The following TMEM143 variants were observed in gnomAD, a reference collection of about 807,000 sequenced individuals.
TMEM143 encodes transmembrane protein 143.
In TMEM143, 45 loss-of-function variants were observed where a neutral mutation model predicts 40.3. The ratio of observed to expected loss-of-function variants is 1.12; its 90% CI spans 0.88 to 1.43. The LOEUF (loss-of-function observed/expected upper bound fraction) is 1.43, where lower values mean the gene tolerates loss of function less well. Among genes scored for constraint, TMEM143 ranks in the 40% most tolerant of loss-of-function variants. TMEM143 has a pLI of 0.00. For missense variants in TMEM143, 620 were observed against 613.4 expected, an observed-to-expected ratio of 1.01 and a Z score of -0.11; for synonymous variants, 299 against 282.7, an observed-to-expected ratio of 1.06 and a Z score of -0.58.
At chr19:48,355,116 AAGTGATT>A (rs1969857448) in intron 3 of TMEM143, among the ~76,000 whole-genome samples, 1 of 151,892 alleles carries the variant, frequency 6.6e-6, no homozygotes, top group Non-Finnish European at 1.5e-5. Flanking sequence ...TCCCGGGTTC[AAGTGATT>A]CTCATGGTTC....
In TMEM143 at chr19:48,345,320, G is replaced by T. The variant is rs766042706; in HGVS notation, c.404C>A (p.Thr135Asn). ...ATCCGTTAGTGATGGCTGATCGAGGGTCTCCCTGTCAGGGTTGATGGGGTC... is the reference window on the plus strand; with the variant it reads ...ATCCGTTAGTGATGGCTGATCGAGGTTCTCCCTGTCAGGGTTGATGGGGTC... ...LYDPINPDRETLDQPSLTDPQ... is the reference protein window; with the variant it reads ...LYDPINPDRENLDQPSLTDPQ... Residue 135 changes from threonine (T) to asparagine (N), a missense_variant, in exon 4 of 8, where the codon ACC (threonine) becomes AAC (asparagine). Transcript: ENST00000293261. 8.8e-6 allele frequency: 14 copies of T among 1,590,032 alleles called. No homozygotes were observed. The African/African-American group carries it at 1.8e-4, about 20-fold the overall frequency.
At chr19:48,335,513 T>C (rs1600893638) in intron 6 of TMEM143, among the ~76,000 whole-genome samples, 1 of 151,904 alleles carries the variant, frequency 6.6e-6, no homozygotes, top group African/African-American at 2.4e-5. Flanking sequence ...TCACCTGAGG[T>C]TGGAAGTTCG....
intron 6 of TMEM143, among the ~76,000 whole-genome samples, chr19:48,340,861 C>T (rs1484122519): frequency 6.6e-6 from 1 of 152,110 alleles, no homozygotes; most frequent in Non-Finnish European, 1.5e-5. Context: ...CTGGATCCAG[C>T]CCCATGAGAT....
At chr19:48,340,772 G>A (rs115830766) in intron 6 of TMEM143, among the ~76,000 whole-genome samples, 2,904 of 152,202 alleles carry the variant, frequency 0.019, 83 homozygotes, top group African/African-American at 0.066. Flanking sequence ...CTGCGGCTCT[G>A]AGGATAAGGC....
At chr19:48,337,294 A>C (rs1457372804) in intron 6 of TMEM143, among the ~76,000 whole-genome samples, 1 of 152,060 alleles carries the variant, frequency 6.6e-6, no homozygotes, top group Non-Finnish European at 1.5e-5. Flanking sequence ...CACGCCTGTA[A>C]TCCCAGCACT....
rs375040670 is a variant in TMEM143 at position 48,351,214 on chromosome 19, T to C, written c.370-5860A>G. ...CCTGCTCCTCTCAGCCTTGTCCCCA[T>C]CTCAAAAGATGCAACTCCATCCTTC... On this transcript the variant is annotated intron_variant, in intron 3 of 7. Transcript: ENST00000293261. Among the ~76,000 whole-genome samples, 20 of 152,234 alleles carry C rather than the reference T, an allele frequency of 1.3e-4. No homozygotes were observed. The East Asian group carries it at 3.3e-3, about 25-fold the overall frequency.
At chr19:48,345,044 A>C in intron 4 of TMEM143, 116 bp downstream of exon 4, 1 of 1,133,712 alleles carries the variant, frequency 8.8e-7, no homozygotes, top group South Asian at 1.6e-5. Context: ...CAAGTGCGCC[A>C]TATGGGCCAC....
At chr19:48,360,209 G>A (rs1316931316) in intron 2 of TMEM143, 33 bp from the exon 3 acceptor site, 23 of 1,595,758 alleles carry the variant, frequency 1.4e-5, no homozygotes, top group Non-Finnish European at 2.0e-5. Flanking sequence ...TTCTCTGTAG[G>A]CCTTTTCCCC....
intron 3 of TMEM143, among the ~76,000 whole-genome samples, chr19:48,350,688 G>A (rs1969746842): frequency 6.6e-6 from 1 of 152,054 alleles, no homozygotes. Context: ...TTGGGAGGCT[G>A]AGGCAGGCGG....
At chr19:48,349,183 C>T (rs471736) in intron 3 of TMEM143, among the ~76,000 whole-genome samples, 105,644 of 151,940 alleles carry the variant, frequency 0.7, 37,529 homozygotes, top group East Asian at 0.83. Context: ...CAGAGAAGAC[C>T]CTGTCTTCAA....
At position 48,343,314 on chromosome 19, in the gene TMEM143, G is replaced by T. The variant is rs750530429; in HGVS notation, c.695+7C>A. 1.9e-6 allele frequency: 3 copies of T among 1,609,262 alleles called. No individual in the cohort carries two copies. In the East Asian group the frequency reaches 6.7e-5, roughly 36 times the overall value. On this transcript the variant is annotated splice_region_variant and intron_variant, in intron 5 of 7. Coordinates refer to ENST00000293261, the MANE Select transcript of TMEM143 (RefSeq NM_018273.4). Reference sequence around the variant, plus strand: ...TTGCTGCAGCTGGGGAACAAGGGCCGCCTCACCTCTCCGCAGGGGGCAGCT... The same window carrying T: ...TTGCTGCAGCTGGGGAACAAGGGCCTCCTCACCTCTCCGCAGGGGGCAGCT...
chr19:48,354,268 T>C (rs1012703669), intron 3 of TMEM143, among the ~76,000 whole-genome samples: 42 of 138,378 alleles, frequency 3.0e-4, no homozygotes, highest in Middle Eastern at 7.6e-3. Context: ...CTTTTTCTTT[T>C]TTTTTTTTTT....
intron 3 of TMEM143, among the ~76,000 whole-genome samples, chr19:48,358,294 G>A (rs1969955523): frequency 6.6e-6 from 1 of 150,956 alleles, no homozygotes; most frequent in Non-Finnish European, 1.5e-5. Flanking sequence ...TGAGGCACAA[G>A]AATCACTTCA....
At chr19:48,360,242 T>C in intron 2 of TMEM143, 66 bp from the exon 3 acceptor site, 1 of 1,489,410 alleles carries the variant, frequency 6.7e-7, no homozygotes, top group Non-Finnish European at 9.3e-7. Flanking sequence ...AAGAATTCTT[T>C]CCCTGGCTGC....
At chr19:48,352,883 T>C (rs1230849659) in intron 3 of TMEM143, among the ~76,000 whole-genome samples, 1 of 152,022 alleles carries the variant, frequency 6.6e-6, no homozygotes, top group Non-Finnish European at 1.5e-5. Flanking sequence ...TCCCAAAGTG[T>C]TAGAGTTACA....
At chr19:48,343,022 T>C in intron 5 of TMEM143, 1 of 697,270 alleles carries the variant, frequency 1.4e-6, no homozygotes, top group South Asian at 2.0e-5. Context: ...ACGTGCAGAT[T>C]GTTTGTTGGA....
rs771583460 is a variant in TMEM143 at position 48,360,135 on chromosome 19, C to T, written c.306G>A (p.Ala102=). ...SSPAEKAALE[A]FSAHVDFCTL... ...TGCAGAAGTCCACGTGGGCCGAGAA[C>T]GCCTCCAAAGCCGCCTTCTCTGCCG... Residue 102 remains alanine, a synonymous_variant, in exon 3 of 8, where the codon GCG becomes GCA. Coordinates refer to ENST00000293261, the MANE Select transcript of TMEM143 (RefSeq NM_018273.4). 7.4e-6 allele frequency: 12 copies of T among 1,614,016 alleles called. No homozygotes were observed. In the African/African-American group the frequency reaches 9.3e-5, roughly 13 times the overall value.
intron 3 of TMEM143, among the ~76,000 whole-genome samples, chr19:48,345,823 C>T (rs1240506462): frequency 3.5e-5 from 5 of 144,124 alleles, no homozygotes; most frequent in African/African-American, 1.3e-4. Context: ...CTCGCTCTGT[C>T]GCCCAGGCTG....
intron 6 of TMEM143, among the ~76,000 whole-genome samples, chr19:48,334,432 TTCTTTCTTTCTTTCTTTCTTTC>T (rs1324412418): frequency 7.8e-6 from 1 of 128,394 alleles, no homozygotes; most frequent in Non-Finnish European, 1.6e-5. Context: ...CTTTCTTTCT[TTCTTTCTTTCTTTCTTTCTTTC>T]TTTCTTTCTT....
Sources: allele counts gnomAD v4.1 joint callset (sites outside exome capture counted in the v4.1 genomes callset), GRCh38; gene constraint gnomAD v4.1.1; transcripts MANE v1.5; gene names NCBI Gene and HGNC (gene_info 2026-07-23, HGNC 2026-07-21).